Variants in IFRD1 observed in about 807,000 individuals in gnomAD.
The protein encoded by IFRD1 is interferon-related developmental regulator 1.
A neutral mutation model predicts 52.9 loss-of-function variants in IFRD1; 35 were observed. The ratio of observed to expected loss-of-function variants is 0.66; its 90% confidence interval spans 0.51 to 0.88. IFRD1 has a LOEUF of 0.88. Among genes scored for constraint, IFRD1 ranks in the 40% least tolerant of loss-of-function variants. The pLI, the probability that IFRD1 is intolerant of heterozygous loss-of-function variation, is 0.00. For synonymous variants in IFRD1, 184 were observed against 188.4 expected (o/e 0.98, Z 0.19); for missense variants, 517 against 550.8 (o/e 0.94, Z 0.61).
chr7:112,424,882 C>T (rs933517344), intron 1 of IFRD1, among the ~76,000 whole-genome samples: 5 of 152,110 alleles, frequency 3.3e-5, no homozygotes, highest in African/African-American at 4.8e-5. Flanking sequence ...ATATGACTTC[C>T]ACCTTTTTGA....
At chr7:112,446,148 A>T, upstream of IFRD1, 1 of 159,386 alleles carries the variant, frequency 6.3e-6, no homozygotes, top group Non-Finnish European at 1.4e-5. Flanking sequence ...CATGTCTTTT[A>T]TTAACTCATA....
rs533970761 is a variant in IFRD1, at chr7:112,450,894, T to C, written c.94+112T>C. 1.4e-4 allele frequency: 106 copies of C among 779,628 alleles called. No homozygotes were observed. In the East Asian group the frequency reaches 2.4e-3, roughly 17 times the overall value. The allele number at this position is 779,628 out of a possible 1,614,324, so 48.3% of individuals were successfully genotyped here. ...TTTCTCTGATGTACACATTTGCATT[T>C]CCAGGGTGCGTGGTTTGGCTACTGA... On this transcript the variant is annotated intron_variant, in intron 1 of 11. Transcript: ENST00000403825.
At chr7:112,445,170 C>A (rs1236926891) in intron 1 of IFRD1, among the ~76,000 whole-genome samples, 3 of 150,690 alleles carry the variant, frequency 2.0e-5, no homozygotes, top group African/African-American at 7.4e-5. Flanking sequence ...GAGTTCATGC[C>A]ATTCTCCTGC....
chr7:112,425,755 C>A (rs1367868440), intron 1 of IFRD1, among the ~76,000 whole-genome samples: 1 of 152,148 alleles, frequency 6.6e-6, no homozygotes, highest in East Asian at 1.9e-4. Flanking sequence ...TTCTGTCTCT[C>A]TGGAGAACCC....
intron 8 of IFRD1, among the ~76,000 whole-genome samples, chr7:112,464,112 T>C (rs115960153): frequency 0.014 from 2,070 of 151,190 alleles, 58 homozygotes; most frequent in African/African-American, 0.046. Flanking sequence ...TGTTCAAAAA[T>C]TAAATCCAGG....
intron 11 of IFRD1, among the ~76,000 whole-genome samples, chr7:112,475,111 A>C (rs537291349): frequency 6.6e-6 from 1 of 152,188 alleles, no homozygotes; most frequent in African/African-American, 2.4e-5. Flanking sequence ...GGCATGTGCC[A>C]CCATGCCTGG....
At chr7:112,459,287 T>G (rs1373403857) in intron 5 of IFRD1, among the ~76,000 whole-genome samples, 1 of 152,220 alleles carries the variant, frequency 6.6e-6, no homozygotes, top group African/African-American at 2.4e-5. Context: ...AATTCTGATT[T>G]GTGAAAGTCT....
chr7:112,456,799 A>G (rs1332692621), intron 3 of IFRD1, 115 bp from the exon 4 acceptor site: 2 of 948,746 alleles, frequency 2.1e-6, no homozygotes, highest in Non-Finnish European at 3.3e-6. Flanking sequence ...CTTGATGAGA[A>G]TTAGATTTAA....
At chr7:112,435,588 C>T (rs1794656946) in intron 1 of IFRD1, 1 of 124,910 alleles carries the variant, frequency 8.0e-6, no homozygotes, top group Admixed American at 8.9e-5. Flanking sequence ...TGGATTTTAT[C>T]AGTCCAAAAC....
chr7:112,425,563 G>C (rs1407212059), intron 1 of IFRD1, among the ~76,000 whole-genome samples: 1 of 152,182 alleles, frequency 6.6e-6, no homozygotes, highest in Non-Finnish European at 1.5e-5. Flanking sequence ...TTGGACCTCT[G>C]ACCTTGGACT....
upstream of IFRD1, among the ~76,000 whole-genome samples, chr7:112,447,715 T>G (rs1036084753): frequency 1.3e-5 from 2 of 152,232 alleles, no homozygotes; most frequent in Non-Finnish European, 2.9e-5. Flanking sequence ...TTCTAATTTC[T>G]TTAAACATAT....
At chr7:112,445,136 G>A (rs547922768) in intron 1 of IFRD1, among the ~76,000 whole-genome samples, 1 of 144,058 alleles carries the variant, frequency 6.9e-6, no homozygotes, top group African/African-American at 2.7e-5. Flanking sequence ...GCGCAATCTC[G>A]GCTCACTGCA....
intron 1 of IFRD1, among the ~76,000 whole-genome samples, chr7:112,430,962 T>A (rs1018016916): frequency 5.3e-5 from 8 of 152,220 alleles, no homozygotes; most frequent in Admixed American, 4.6e-4. Context: ...GACCATTCCT[T>A]TGAGCTCCTC....
chr7:112,424,818 C>T (rs536873831), intron 1 of IFRD1, among the ~76,000 whole-genome samples: 2 of 152,208 alleles, frequency 1.3e-5, no homozygotes, highest in East Asian at 3.9e-4. Context: ...TCTGAGGTTC[C>T]TCTTGTTTTA....
At chr7:112,432,887 T>G (rs1349749049) in intron 1 of IFRD1, among the ~76,000 whole-genome samples, 1 of 152,144 alleles carries the variant, frequency 6.6e-6, no homozygotes, top group Non-Finnish European at 1.5e-5. Context: ...AGGGATTATT[T>G]TAGTCTAAGG....
At chr7:112,440,476 A>G (rs1335571118) in intron 1 of IFRD1, among the ~76,000 whole-genome samples, 1 of 152,248 alleles carries the variant, frequency 6.6e-6, no homozygotes, top group African/African-American at 2.4e-5. Context: ...TAAGCCTGGT[A>G]CGGTCAATTC....
chr7:112,475,636 T>C lies in IFRD1; in HGVS notation c.*117T>C. 1 of 675,020 alleles carries C rather than the reference T, an allele frequency of 1.5e-6. No homozygotes were observed. Among genetic ancestry groups the C allele is most frequent in the East Asian group, 2.7e-5 (1 of 36,648 alleles). The allele number at this position is 675,020 out of a possible 1,614,324, so 41.8% of individuals were successfully genotyped here. ...ACTTAGATAACTTTTGTAGCAGTGG[T>C]TATATTGCTTATAATTTAATGTACA... On this transcript the variant is annotated 3_prime_UTR_variant, in exon 12 of 12. Coordinates refer to ENST00000403825, the MANE Select transcript of IFRD1 (RefSeq NM_001550.4).
chr7:112,473,024 G>T (rs988556014), intron 11 of IFRD1, among the ~76,000 whole-genome samples, 163 bp downstream of exon 11: 1 of 140,616 alleles, frequency 7.1e-6, no homozygotes, highest in African/African-American at 2.7e-5. Flanking sequence ...TTAGAGTGTG[G>T]GGGGCGTGTG....
At chr7:112,456,332 CATT>C (rs1315299471) in intron 3 of IFRD1, among the ~76,000 whole-genome samples, 1 of 152,120 alleles carries the variant, frequency 6.6e-6, no homozygotes, top group Middle Eastern at 3.2e-3. Context: ...TCAGATTAGT[CATT>C]ATTCTAGCAT....
Sources: allele counts gnomAD v4.1 joint callset (sites outside exome capture counted in the v4.1 genomes callset), GRCh38; gene constraint gnomAD v4.1.1; transcripts MANE v1.5; gene names NCBI Gene and HGNC (gene_info 2026-07-23, HGNC 2026-07-21).